The following CIMAP1D variants were observed in gnomAD, a reference collection of about 807,000 sequenced individuals.
CIMAP1D encodes the protein protein CIMAP1D.
the CIMAP1D span, among the ~76,000 whole-genome samples, chr19:481,258 T>TGGAGAACGATGATAGAGAA: frequency 8.3e-6 from 1 of 120,898 alleles, no homozygotes; most frequent in African/African-American, 3.5e-5. Context: ...GGAAGGATGA[T>TGGAGAACGATGATAGAGAA]GGGAAAAGAT....
chr19:484,711 C>G, the CIMAP1D span, among the ~76,000 whole-genome samples: 1 of 152,010 alleles, frequency 6.6e-6, no homozygotes, highest in Non-Finnish European at 1.5e-5. Flanking sequence ...GGCGGAGGAG[C>G]GAGGAGGAGG....
the CIMAP1D span, among the ~76,000 whole-genome samples, chr19:465,849 T>G: frequency 9.8e-6 from 1 of 101,726 alleles, no homozygotes; most frequent in African/African-American, 3.9e-5. Context: ...GATGTGTGGA[T>G]AGATGGATGG....
the CIMAP1D span, among the ~76,000 whole-genome samples, chr19:486,428 T>C: frequency 6.6e-6 from 1 of 151,844 alleles, no homozygotes; most frequent in African/African-American, 2.4e-5. Flanking sequence ...CACTGATTGA[T>C]TGATTGATTT....
chr19:464,693 AGGTGGGAT>A, the CIMAP1D span, among the ~76,000 whole-genome samples: 1 of 152,106 alleles, frequency 6.6e-6, no homozygotes, highest in African/African-American at 2.4e-5. Flanking sequence ...GAGCACACTG[AGGTGGGAT>A]GGTCTGCACC....
the CIMAP1D span, among the ~76,000 whole-genome samples, chr19:481,498 T>TGGGAAGGATGAGG: frequency 2.2e-5 from 1 of 44,758 alleles, no homozygotes; most frequent in South Asian, 1.2e-3. Context: ...GGAAGGATGA[T>TGGGAAGGATGAGG]GGGAAGGATG....
chr19:467,890 G>T, the CIMAP1D span: 1 of 621,678 alleles, frequency 1.6e-6, no homozygotes. Context: ...GTCCCATCTC[G>T]GAGGGGTCAC....
At chr19:477,247 A>T in the CIMAP1D span, among the ~76,000 whole-genome samples, 1 of 152,226 alleles carries the variant, frequency 6.6e-6, no homozygotes, top group African/African-American at 2.4e-5. Flanking sequence ...TTGTAAAGAT[A>T]ACAGTAGAAA....
the CIMAP1D span, chr19:463,763 C>T: frequency 2.0e-6 from 3 of 1,521,166 alleles, no homozygotes; most frequent in Non-Finnish European, 2.6e-6. Context: ...GCCCCTCTCG[C>T]CTTCTAGCCC....
the CIMAP1D span, among the ~76,000 whole-genome samples, chr19:469,691 A>G: frequency 2.1e-5 from 3 of 140,608 alleles, no homozygotes; most frequent in Admixed American, 2.1e-4. Flanking sequence ...ACTCAGTCTC[A>G]AAAAGAAAAA....
the CIMAP1D span, among the ~76,000 whole-genome samples, chr19:477,592 C>CA: frequency 0.088 from 13,086 of 148,032 alleles, 1,195 homozygotes; most frequent in African/African-American, 0.23. Flanking sequence ...ACGTCAAAAT[C>CA]AAAAAAAAGA....
chr19:463,641 C>T, the CIMAP1D span: 14 of 739,542 alleles, frequency 1.9e-5, no homozygotes, highest in Non-Finnish European at 2.5e-5. Flanking sequence ...GAAGGAGACT[C>T]ACCCTGCACC....
chr19:480,400 G>A, the CIMAP1D span, among the ~76,000 whole-genome samples: 1 of 152,234 alleles, frequency 6.6e-6, no homozygotes, highest in Admixed American at 6.5e-5. Flanking sequence ...TGCCGGGAGA[G>A]GGCGTCACAT....
the CIMAP1D span, among the ~76,000 whole-genome samples, chr19:485,445 G>A: frequency 6.6e-6 from 1 of 152,254 alleles, no homozygotes; most frequent in African/African-American, 2.4e-5. Context: ...TGACAGACAT[G>A]ACTGCTGTGG....
the CIMAP1D span, chr19:467,900 C>A: frequency 1.7e-6 from 1 of 603,730 alleles, no homozygotes; most frequent in Non-Finnish European, 2.9e-6. Flanking sequence ...GGAGGGGTCA[C>A]CCCAGGGGCC....
the CIMAP1D span, among the ~76,000 whole-genome samples, chr19:476,156 G>A: frequency 3.8e-3 from 571 of 151,712 alleles, 5 homozygotes; most frequent in African/African-American, 0.013. Context: ...GCACCACCAC[G>A]TCTAGCTAAT....
chr19:464,137 GGGC>G, the CIMAP1D span: 1 of 482,602 alleles, frequency 2.1e-6, no homozygotes, highest in South Asian at 1.9e-5. Flanking sequence ...TGCGGGGGGC[GGGC>G]GGGGGGGGTG....
At chr19:477,809 C>T in the CIMAP1D span, among the ~76,000 whole-genome samples, 115,553 of 152,060 alleles carry the variant, frequency 0.76, 43,968 homozygotes, top group South Asian at 0.8. Context: ...ACTGCAGACA[C>T]GCGCCACGCC....
chr19:476,456 C>T, the CIMAP1D span, among the ~76,000 whole-genome samples: 4 of 152,296 alleles, frequency 2.6e-5, no homozygotes, highest in South Asian at 8.3e-4. Context: ...TCCCAAAGTG[C>T]TGGGATTACA....
At chr19:469,300 C>T in the CIMAP1D span, among the ~76,000 whole-genome samples, 1 of 151,452 alleles carries the variant, frequency 6.6e-6, no homozygotes, top group South Asian at 2.1e-4. Flanking sequence ...TCACTGCAGC[C>T]TCGACCTCCT....
Sources: allele counts gnomAD v4.1 joint callset (sites outside exome capture counted in the v4.1 genomes callset), GRCh38; gene constraint gnomAD v4.1.1; transcripts MANE v1.5; gene names NCBI Gene and HGNC (gene_info 2026-07-23, HGNC 2026-07-21).